The following MYO3B variants were observed in gnomAD, a reference collection of about 807,000 sequenced individuals.
The protein encoded by MYO3B is myosin-IIIb.
A neutral mutation model predicts 174.6 loss-of-function variants in MYO3B; 156 were observed. The observed-to-expected ratio is 0.89, with a 90% CI of 0.78 to 1.02. MYO3B has a LOEUF of 1.02. Among genes scored for constraint, MYO3B ranks in the 50% least tolerant of loss-of-function variants. MYO3B has a pLI of 0.00. For synonymous variants in MYO3B, 563 were observed against 569.1 expected, an observed-to-expected ratio of 0.99 and a Z score of 0.15; for missense variants, 1,632 against 1,639.4, an observed-to-expected ratio of 1.00 and a Z score of 0.08.
chr2:170,500,316 T>C (rs1203456833), intron 27 of MYO3B, among the ~76,000 whole-genome samples: 1 of 152,162 alleles, frequency 6.6e-6, no homozygotes, highest in Non-Finnish European at 1.5e-5. Flanking sequence ...GGGAAATGAA[T>C]GGGCCTAAGG....
chr2:170,396,790 G>A (rs555065452), intron 16 of MYO3B, among the ~76,000 whole-genome samples: 1 of 152,116 alleles, frequency 6.6e-6, no homozygotes, highest in Non-Finnish European at 1.5e-5. Context: ...TCTTATTTTG[G>A]GAGGTTTCAG....
chr2:170,323,061 A>T (rs1035699636), intron 7 of MYO3B, among the ~76,000 whole-genome samples: 2 of 152,352 alleles, frequency 1.3e-5, no homozygotes, highest in South Asian at 2.1e-4. Context: ...AGGAAAAAAA[A>T]ATCCATAGTA....
At chr2:170,352,909 A>G (rs1359858955) in intron 8 of MYO3B, among the ~76,000 whole-genome samples, 1 of 152,224 alleles carries the variant, frequency 6.6e-6, no homozygotes, top group Admixed American at 6.5e-5. Flanking sequence ...GACAATACCA[A>G]ATGCTGCCAA....
At chr2:170,438,876 C>A (rs1226885062) in intron 22 of MYO3B, among the ~76,000 whole-genome samples, 1 of 151,944 alleles carries the variant, frequency 6.6e-6, no homozygotes, top group Non-Finnish European at 1.5e-5. Context: ...TTGTGATCCA[C>A]CAGCTTTGGC....
chr2:170,602,133 T>C, intron 32 of MYO3B: 1 of 1,239,110 alleles, frequency 8.1e-7, no homozygotes, highest in Non-Finnish European at 1.2e-6. Context: ...CTGAGGCATC[T>C]GGGTGCTTCT....
intron 8 of MYO3B, among the ~76,000 whole-genome samples, chr2:170,367,758 C>T (rs2094209694): frequency 6.6e-6 from 1 of 152,120 alleles, no homozygotes; most frequent in Non-Finnish European, 1.5e-5. Context: ...TGAACACAGT[C>T]TTCTTAAAGC....
intron 32 of MYO3B, among the ~76,000 whole-genome samples, chr2:170,595,586 G>A (rs1404504775): frequency 6.6e-6 from 1 of 151,968 alleles, no homozygotes; most frequent in African/African-American, 2.4e-5. Flanking sequence ...CCAGGTACAC[G>A]CACCACCACG....
At chr2:170,568,879 A>G (rs1285255307) in intron 32 of MYO3B, among the ~76,000 whole-genome samples, 1 of 152,146 alleles carries the variant, frequency 6.6e-6, no homozygotes, top group Non-Finnish European at 1.5e-5. Context: ...AGTAAAGAAG[A>G]CTGTTGGACA....
At chr2:170,486,963 T>C (rs1163984381) in intron 25 of MYO3B, among the ~76,000 whole-genome samples, 1 of 152,230 alleles carries the variant, frequency 6.6e-6, no homozygotes, top group African/African-American at 2.4e-5. Flanking sequence ...CCTAAGTCAA[T>C]GGTTCTCAAA....
chr2:170,311,842 C>T (rs560859060), intron 7 of MYO3B, among the ~76,000 whole-genome samples: 1 of 152,280 alleles, frequency 6.6e-6, no homozygotes, highest in East Asian at 1.9e-4. Context: ...GTTTTCCCGG[C>T]ACCGTTTGTT....
At chr2:170,550,591 A>G (rs1361343271) in intron 32 of MYO3B, among the ~76,000 whole-genome samples, 1 of 152,228 alleles carries the variant, frequency 6.6e-6, no homozygotes, top group Non-Finnish European at 1.5e-5. Context: ...CATTCATTCA[A>G]CAAACATTTA....
chr2:170,228,982 C>G (rs72885679), intron 6 of MYO3B, among the ~76,000 whole-genome samples: 9,112 of 106,002 alleles, frequency 0.086, 372 homozygotes, highest in East Asian at 0.22. Context: ...AAAAAAAAAA[C>G]AACGAATCTC....
chr2:170,183,103 A>C (rs2092423309), intron 1 of MYO3B, among the ~76,000 whole-genome samples: 1 of 152,046 alleles, frequency 6.6e-6, no homozygotes, highest in Non-Finnish European at 1.5e-5. Flanking sequence ...TAAAATACAA[A>C]AAAATTAGCT....
intron 32 of MYO3B, among the ~76,000 whole-genome samples, chr2:170,567,577 G>C (rs1174748877): frequency 1.3e-5 from 2 of 152,224 alleles, no homozygotes; most frequent in African/African-American, 4.8e-5. Context: ...ATTGCGCTTT[G>C]CTTCTGTCAG....
intron 20 of MYO3B, among the ~76,000 whole-genome samples, chr2:170,405,271 C>G (rs1017639294): frequency 6.6e-6 from 1 of 152,184 alleles, no homozygotes; most frequent in Non-Finnish European, 1.5e-5. Context: ...GGCAGGGCCT[C>G]TGGTGTCATC....
At chr2:170,254,120 A>C (rs1308105435) in intron 7 of MYO3B, among the ~76,000 whole-genome samples, 1 of 152,046 alleles carries the variant, frequency 6.6e-6, no homozygotes, top group Non-Finnish European at 1.5e-5. Context: ...CTGGTACTGA[A>C]AAGGTTCTCA....
chr2:170,430,600 A>T (rs1024051416), intron 22 of MYO3B, among the ~76,000 whole-genome samples: 2 of 151,994 alleles, frequency 1.3e-5, no homozygotes, highest in Non-Finnish European at 2.9e-5. Flanking sequence ...TTGAACTCTT[A>T]ACCTCATGAT....
chr2:170,428,818 T>C (rs548516083), intron 22 of MYO3B, among the ~76,000 whole-genome samples: 2 of 152,340 alleles, frequency 1.3e-5, no homozygotes, highest in African/African-American at 2.4e-5. Flanking sequence ...GAACCACTGA[T>C]CTTCTCAAAC....
At chr2:170,183,463 T>C (rs1335378720) in intron 1 of MYO3B, among the ~76,000 whole-genome samples, 2 of 152,210 alleles carry the variant, frequency 1.3e-5, no homozygotes, top group Non-Finnish European at 2.9e-5. Context: ...CTTTAATTCC[T>C]ATTAAAATGC....
Sources: gnomAD v4.1 joint callset for allele counts (sites outside exome capture counted in the v4.1 genomes callset) on GRCh38, gnomAD v4.1.1 for gene constraint, MANE v1.5 for transcripts, NCBI Gene and HGNC (gene_info 2026-07-23, HGNC 2026-07-21) for gene names.